NPTXR: variants seen among roughly 807,000 people sequenced by gnomAD.
NPTXR encodes the protein neuronal pentraxin receptor.
NPTXR carries 12 observed loss-of-function variants against 32.2 expected under a neutral mutation model. That is an observed-to-expected ratio of 0.37 (90% confidence interval 0.24 to 0.60). The LOEUF is 0.60. NPTXR is among the 20% of genes least tolerant of loss of function. The probability of loss-of-function intolerance (pLI) is 0.66; values close to 1 mark genes in which losing one functional copy is unlikely to be tolerated. For missense variants in NPTXR, 612 were observed against 682.9 expected (o/e 0.90, Z 1.16); for synonymous variants, 323 against 315.8 (o/e 1.02, Z -0.24).
At chr22:38,827,515 T>G (rs1002993475) in intron 2 of NPTXR, among the ~76,000 whole-genome samples, 1 of 152,164 alleles carries the variant, frequency 6.6e-6, no homozygotes, top group East Asian at 1.9e-4. Context: ...ATAACAGGCA[T>G]GAGCCACCAT....
At chr22:38,825,963 C>T (rs57505760) in intron 3 of NPTXR, among the ~76,000 whole-genome samples, 2,417 of 152,106 alleles carry the variant, frequency 0.016, 53 homozygotes, top group African/African-American at 0.054. Flanking sequence ...CTGCCTCAGC[C>T]TCCCGAGTAG....
chr22:38,838,272 T>C (rs1177449201), intron 1 of NPTXR, among the ~76,000 whole-genome samples: 2 of 152,146 alleles, frequency 1.3e-5, no homozygotes, highest in African/African-American at 4.8e-5. Context: ...GGGATTTGCC[T>C]GGGTCTGTGT....
chr22:38,843,496 T>C lies in NPTXR; in HGVS notation c.363A>G (p.Glu121=), dbSNP rs1417966959. 3.3e-5 allele frequency: 42 copies of C among 1,291,976 alleles called. No individual in the cohort carries two copies. The highest frequency in any genetic ancestry group is 3.8e-5 in the Non-Finnish European group (39 of 1,022,244). The allele number at this position is 1,291,976 out of a possible 1,614,324, so 80.0% of individuals were successfully genotyped here. Reference sequence around the variant, plus strand: ...CCGTGCTCTGCAGCAGCAGCAGCTCTTCGCGCTCGCCCGGCGCAGCGCCCG... The same window carrying C: ...CCGTGCTCTGCAGCAGCAGCAGCTCCTCGCGCTCGCCCGGCGCAGCGCCCG... The change falls in exon 1 of 5, where the codon GAA becomes GAG. Residue 121 remains glutamate, a synonymous_variant. Coordinates refer to ENST00000333039, the MANE Select transcript of NPTXR (RefSeq NM_014293.4). The surrounding 1 kb of genome is among the most constrained non-coding windows in gnomAD (Gnocchi z 5.3).
At chr22:38,839,192 T>G (rs376593113) in intron 1 of NPTXR, among the ~76,000 whole-genome samples, 1 of 152,248 alleles carries the variant, frequency 6.6e-6, no homozygotes, top group African/African-American at 2.4e-5. Flanking sequence ...GTTAAGGATG[T>G]GGTTTATGCC....
At position 38,821,111 on chromosome 22, in the gene NPTXR, T is replaced by C. The variant is rs6001247; in HGVS notation, c.*1498A>G. On this transcript the variant is annotated 3_prime_UTR_variant, in exon 5 of 5. Coordinates refer to ENST00000333039, the MANE Select transcript of NPTXR (RefSeq NM_014293.4). ...GTTTCACCACGTTGGCCAGGCTGAC[T>C]TCGAACTCCTGACCTCAAGTGATCT... is the stretch of plus-strand genomic sequence containing the variant. 151,841 of 152,370 alleles carry C rather than the reference T, an allele frequency of 1. 75,659 individuals carry two copies. Among genetic ancestry groups the C allele is most frequent in the Middle Eastern group, 1 (294 of 294 alleles). 9.4% of individuals were successfully genotyped at this position (152,370 alleles called of 1,614,324 possible). A position where few individuals can be genotyped will look rare whatever the true frequency, so the allele number is the denominator to read the frequency against.
In NPTXR at chr22:38,823,088, C is replaced by T. The variant is rs747046423; in HGVS notation, c.1273G>A (p.Glu425Lys). The change falls in exon 4 of 5, where the codon GAG (glutamate) becomes AAG (lysine). Residue 425 changes from glutamate (E) to lysine (K), a missense_variant. By Grantham distance (56) the Glu-to-Lys change is moderately conservative (BLOSUM62 1). Coordinates refer to ENST00000333039, the MANE Select transcript of NPTXR (RefSeq NM_014293.4). ...AATATCAGCCTGAGCCTTACCTGCT[C>T]CTGGCCCAAGATAAGGATCCCATGA... 3 of 1,614,156 alleles carry T rather than the reference C, an allele frequency of 1.9e-6. No individual in the cohort carries two copies. The highest frequency in any genetic ancestry group is 2.2e-5 in the South Asian group (2 of 91,076).
intron 1 of NPTXR, among the ~76,000 whole-genome samples, chr22:38,839,230 A>G (rs2093128722): frequency 6.6e-6 from 1 of 152,258 alleles, no homozygotes. Flanking sequence ...ATTAATCTTG[A>G]AGTTCCGTTG....
chr22:38,822,519 C>T lies in NPTXR; in HGVS notation c.*90G>A, dbSNP rs180930402. On this transcript the variant is annotated 3_prime_UTR_variant, in exon 5 of 5. Transcript: ENST00000333039. Reference sequence around the variant, plus strand: ...GCCAGGAGTGGGGCAGGAGGGAAGGCCAGTGCGTGGGCAGGCTGAGGAGGG... The same window carrying T: ...GCCAGGAGTGGGGCAGGAGGGAAGGTCAGTGCGTGGGCAGGCTGAGGAGGG... 8 of 1,132,524 alleles carry T rather than the reference C, an allele frequency of 7.1e-6. No homozygotes were observed. Among genetic ancestry groups the T allele is most frequent in the Non-Finnish European group, 1.0e-5 (8 of 779,220 alleles). The allele number at this position is 1,132,524 out of a possible 1,614,324, so 70.2% of individuals were successfully genotyped here. A position where few individuals can be genotyped will look rare whatever the true frequency, so the allele number is the denominator to read the frequency against.
intron 3 of NPTXR, among the ~76,000 whole-genome samples, chr22:38,824,800 G>A (rs1230053858): frequency 1.3e-5 from 2 of 152,176 alleles, no homozygotes; most frequent in Non-Finnish European, 2.9e-5. Flanking sequence ...TCTAGATGTA[G>A]TCCAGCCACC....
Position 38,843,906 on chromosome 22 carries a change from G to T in NPTXR, c.-48C>A. 1.0e-6 allele frequency: 1 copy of T among 969,400 alleles called. No individual in the cohort carries two copies. The highest frequency in any genetic ancestry group is 1.2e-6 in the Non-Finnish European group (1 of 817,536). The allele number at this position is 969,400 out of a possible 1,614,324, so 60.0% of individuals were successfully genotyped here. A position where few individuals can be genotyped will look rare whatever the true frequency, so the allele number is the denominator to read the frequency against. On this transcript the variant is annotated 5_prime_UTR_variant, in exon 1 of 5. Transcript: ENST00000333039. The surrounding 1 kb of genome is among the most constrained non-coding windows in gnomAD (Gnocchi z 5.3). ...CCCGAGGCCCCCGGCAGGCGCGGCG[G>T]CGGGGTCGGGGCGCGGAGCCCGGGC...
At chr22:38,830,250 G>A (rs1262355829) in intron 1 of NPTXR, among the ~76,000 whole-genome samples, 1 of 152,200 alleles carries the variant, frequency 6.6e-6, no homozygotes, top group Non-Finnish European at 1.5e-5. Context: ...TCTATAAGAT[G>A]GAGACACGGA....
chr22:38,834,600 T>TCCATCATCCATCCATC lies in NPTXR; in HGVS notation c.625-6089_625-6088insGATGGATGGATGATGG, dbSNP rs6147622. On this transcript the variant is annotated intron_variant, in intron 1 of 4. Transcript: ENST00000333039. This position sits in a 1 kb window ranked among gnomAD's most constrained non-coding sequence, Gnocchi z 4.4. ...ACTCATCCATCCATCCATCCATCCA[T>TCCATCATCCATCCATC]CATCCATCCATCCATCCATCCATCC... Among the ~76,000 whole-genome samples, 1 of 147,304 alleles carries TCCATCATCCATCCATC rather than the reference T, an allele frequency of 6.8e-6. No individual in the cohort carries two copies. The highest frequency in any genetic ancestry group is 2.0e-4 in the East Asian group (1 of 4,892).
At chr22:38,833,840 C>A (rs1450306812) in intron 1 of NPTXR, among the ~76,000 whole-genome samples, 1 of 152,002 alleles carries the variant, frequency 6.6e-6, no homozygotes, top group Non-Finnish European at 1.5e-5. Flanking sequence ...CCTCACCCAG[C>A]TAATTTTTTG....
In NPTXR at chr22:38,843,202, C is replaced by T. The variant is rs964534384; in HGVS notation, c.624+33G>A. 7.7e-6 allele frequency: 10 copies of T among 1,293,686 alleles called. No individual in the cohort carries two copies. Among genetic ancestry groups the T allele is most frequent in the Non-Finnish European group, 2.0e-6 (2 of 1,025,524 alleles). 80.1% of individuals were successfully genotyped at this position (1,293,686 alleles called of 1,614,324 possible). On this transcript the variant is annotated intron_variant, in intron 1 of 4. Transcript: ENST00000333039. The surrounding 1 kb of genome is among the most constrained non-coding windows in gnomAD (Gnocchi z 5.3). ...CGGCCGGGCGGCCCCTCACACCACCCGGGCGGCTCCCCCGACGGCGCGCGG... is the reference window on the plus strand; with the variant it reads ...CGGCCGGGCGGCCCCTCACACCACCTGGGCGGCTCCCCCGACGGCGCGCGG...
At chr22:38,839,239 T>C (rs2093128744) in intron 1 of NPTXR, among the ~76,000 whole-genome samples, 1 of 152,238 alleles carries the variant, frequency 6.6e-6, no homozygotes, top group South Asian at 2.1e-4. Flanking sequence ...GAAGTTCCGT[T>C]GTATACATAC....
chr22:38,822,771 G>T lies in NPTXR; in HGVS notation c.1341C>A (p.Asn447Lys). ...CTGGTGTCAGGGCGTGGTCCCACAG[G>T]TTAAACTGGGCAATGTCACCGACAA... Residue 447 changes from asparagine to lysine, a missense_variant, in exon 5 of 5, where the codon AAC becomes AAA. By Grantham distance (94) the Asn-to-Lys change is moderately conservative (BLOSUM62 0). Transcript: ENST00000333039. The T allele has an allele frequency of 6.2e-7, 1 of 1,614,198 alleles. No homozygotes were observed. Among genetic ancestry groups the T allele is most frequent in the Non-Finnish European group, 8.5e-7 (1 of 1,180,030 alleles).
chr22:38,831,684 G>C (rs1202188334), intron 1 of NPTXR, among the ~76,000 whole-genome samples: 2 of 152,096 alleles, frequency 1.3e-5, no homozygotes, highest in East Asian at 3.9e-4. Context: ...TTTCATCTCA[G>C]GGCTGGAAGG....
Position 38,822,552 on chromosome 22 carries a change from C to G in NPTXR, c.*57G>C. Reference sequence around the variant, plus strand: ...TGGGCAGGCTGAGGAGGGAATATGACCCCCCTCAAGTCCCCAAAGTGGCAG... The same window carrying G: ...TGGGCAGGCTGAGGAGGGAATATGAGCCCCCTCAAGTCCCCAAAGTGGCAG... On this transcript the variant is annotated 3_prime_UTR_variant, in exon 5 of 5. Transcript: ENST00000333039. 6.7e-7 allele frequency: 1 copy of G among 1,483,766 alleles called. No homozygotes were observed. The highest frequency in any genetic ancestry group is 1.2e-5 in the South Asian group (1 of 84,000). 91.9% of individuals were successfully genotyped at this position (1,483,766 alleles called of 1,614,324 possible).
At chr22:38,838,678 T>A (rs2093127791) in intron 1 of NPTXR, among the ~76,000 whole-genome samples, 1 of 149,286 alleles carries the variant, frequency 6.7e-6, no homozygotes, top group South Asian at 2.1e-4. Context: ...GCGTCCCGGG[T>A]TCACGTCATT....
Sources: gnomAD v4.1 joint callset for allele counts (sites outside exome capture counted in the v4.1 genomes callset) on GRCh38, gnomAD v4.1.1 for gene constraint, Gnocchi (gnomAD v3.1) non-coding constraint, MANE v1.5 for transcripts, NCBI Gene and HGNC (gene_info 2026-07-23, HGNC 2026-07-21) for gene names.